The following SHANK2 variants were observed in gnomAD, a reference collection of about 807,000 sequenced individuals.
The protein encoded by SHANK2 is SH3 and multiple ankyrin repeat domains 2, also known as SH3 and multiple ankyrin repeat domains protein 2.
Under a neutral mutation model 133.7 loss-of-function variants are expected in SHANK2, and 43 were observed. The observed-to-expected ratio is 0.32, with a 90% CI of 0.25 to 0.41. SHANK2 has a LOEUF of 0.41. Ranked by LOEUF, SHANK2 falls within the 10% of genes least tolerant of loss-of-function variation. The pLI is 1.00. For missense variants in SHANK2, 1,994 were observed against 2,235.8 expected (o/e 0.89, Z 2.18); for synonymous variants, 1,017 against 952.8 (o/e 1.07, Z -1.24).
intron 9 of SHANK2, among the ~76,000 whole-genome samples, chr11:71,073,102 T>TGCAGTG (rs1326101942): frequency 6.6e-6 from 1 of 151,590 alleles, no homozygotes; most frequent in Non-Finnish European, 1.5e-5. Context: ...ATCTGTCCCA[T>TGCAGTG]GCAGTGGTGG....
At chr11:70,559,372 G>GCAGA (rs2059877400) in intron 17 of SHANK2, among the ~76,000 whole-genome samples, 1 of 152,158 alleles carries the variant, frequency 6.6e-6, no homozygotes, top group Admixed American at 6.5e-5. Flanking sequence ...AGAAACCAAT[G>GCAGA]CAGAGAGCGT....
chr11:71,192,792 A>G (rs11232477), intron 2 of SHANK2, among the ~76,000 whole-genome samples: 4,935 of 152,350 alleles, frequency 0.032, 250 homozygotes, highest in Admixed American at 0.15. Context: ...TTATCAAGCT[A>G]TCAGAGGCTA....
At chr11:70,856,587 T>C (rs1474950222) in intron 11 of SHANK2, among the ~76,000 whole-genome samples, 2 of 152,052 alleles carry the variant, frequency 1.3e-5, no homozygotes, top group East Asian at 3.9e-4. Context: ...TAGATAGATA[T>C]ATTAGTTGTA....
chr11:70,502,135 G>T, intron 19 of SHANK2, 71 bp downstream of exon 19: 1 of 1,479,834 alleles, frequency 6.8e-7, no homozygotes, highest in Non-Finnish European at 9.2e-7. Context: ...TGCACAGCCT[G>T]GTGCTTTGCA....
chr11:70,487,417 T>A lies in SHANK2; in HGVS notation c.2876A>T (p.Tyr959Phe), dbSNP rs782438264. The A allele has an allele frequency of 1.9e-6, 3 of 1,613,796 alleles. No individual in the cohort carries two copies. The highest frequency in any genetic ancestry group is 2.5e-6 in the Non-Finnish European group (3 of 1,179,952). ...GMYFRRELDR[Y>F]SLDSEDLYSR... ...GTAGAGGTCTTCAGAGTCCAAGGAG[T>A]AGCGGTCCAGCTCTCTCCTGAAGTA... Residue 959 changes from tyrosine to phenylalanine, a missense_variant, in exon 25 of 26, where the codon TAC becomes TTC. Tyr to Phe is a conservative substitution (Grantham distance 22). Coordinates refer to ENST00000601538, the MANE Select transcript of SHANK2 (RefSeq NM_012309.5). The surrounding 1 kb of genome is among the most constrained non-coding windows in gnomAD (Gnocchi z 5.8).
intron 9 of SHANK2, among the ~76,000 whole-genome samples, chr11:71,061,321 A>G (rs1950983545): frequency 6.6e-6 from 1 of 152,386 alleles, no homozygotes; most frequent in African/African-American, 2.4e-5. Context: ...CAATTTTAAT[A>G]AAGCAGTCCT....
At chr11:71,196,616 G>C (rs1453170579) in intron 2 of SHANK2, among the ~76,000 whole-genome samples, 10 of 152,068 alleles carry the variant, frequency 6.6e-5, no homozygotes, top group African/African-American at 2.2e-4. Flanking sequence ...AAAAGGGAGA[G>C]AGACTAGCAA....
chr11:70,774,217 C>A (rs782596650), intron 14 of SHANK2, among the ~76,000 whole-genome samples: 3 of 152,150 alleles, frequency 2.0e-5, no homozygotes, highest in Non-Finnish European at 4.4e-5. Context: ...AAGGACCCCA[C>A]ATGGATGATC....
At chr11:70,734,803 C>A (rs1591797487) in intron 14 of SHANK2, among the ~76,000 whole-genome samples, 2 of 152,204 alleles carry the variant, frequency 1.3e-5, no homozygotes, top group African/African-American at 4.8e-5. Context: ...GAGGGCCTAC[C>A]CAGCAACCAC....
intron 11 of SHANK2, among the ~76,000 whole-genome samples, chr11:70,831,783 C>T (rs1325861867): frequency 6.6e-6 from 1 of 152,250 alleles, no homozygotes; most frequent in African/African-American, 2.4e-5. Flanking sequence ...TCAGAAACAT[C>T]CTCGTTCAGT....
At chr11:70,887,198 T>A (rs1949761111) in intron 11 of SHANK2, among the ~76,000 whole-genome samples, 1 of 152,218 alleles carries the variant, frequency 6.6e-6, no homozygotes, top group Non-Finnish European at 1.5e-5. Flanking sequence ...GAAGCCATCG[T>A]CCAGGCTCTA....
At chr11:70,553,933 G>C (rs1429097290) in intron 17 of SHANK2, among the ~76,000 whole-genome samples, 1 of 152,224 alleles carries the variant, frequency 6.6e-6, no homozygotes, top group South Asian at 2.1e-4. Flanking sequence ...TGCGTGTGCC[G>C]CAGAAGAGGC....
intron 14 of SHANK2, among the ~76,000 whole-genome samples, chr11:70,707,498 A>G (rs1555025211): frequency 1.3e-5 from 2 of 151,856 alleles, no homozygotes; most frequent in Admixed American, 6.6e-5. Flanking sequence ...CCCTCTGTTC[A>G]TGAGACACAC....
chr11:70,497,319 A>G (rs1019356007), intron 21 of SHANK2, among the ~76,000 whole-genome samples: 1 of 152,148 alleles, frequency 6.6e-6, no homozygotes, highest in Non-Finnish European at 1.5e-5. Context: ...GCTCCTAAGG[A>G]TTATGCTTAA....
chr11:71,246,914 A>G (rs782659194), intron 1 of SHANK2, among the ~76,000 whole-genome samples: 10 of 152,226 alleles, frequency 6.6e-5, no homozygotes, highest in Non-Finnish European at 4.4e-5. Context: ...TAATATATTT[A>G]TAGTTTTTGA....
intron 6 of SHANK2, among the ~76,000 whole-genome samples, chr11:71,107,141 G>T (rs1168710852): frequency 2.0e-5 from 3 of 152,112 alleles, no homozygotes; most frequent in African/African-American, 7.2e-5. Context: ...GAGTGGAGGG[G>T]TAATGATTTC....
At chr11:71,119,750 C>T (rs1952049041) in intron 3 of SHANK2, among the ~76,000 whole-genome samples, 1 of 152,100 alleles carries the variant, frequency 6.6e-6, no homozygotes, top group Admixed American at 6.5e-5. Flanking sequence ...TCTGATTCAG[C>T]AGGTCTGGGT....
At chr11:70,483,893 T>C (rs539885458) in intron 25 of SHANK2, among the ~76,000 whole-genome samples, 1 of 152,376 alleles carries the variant, frequency 6.6e-6, no homozygotes, top group South Asian at 2.1e-4. Context: ...CCAAGTCATT[T>C]ATTTACATCC....
In SHANK2 at chr11:70,489,573, T is replaced by G. The variant is rs893778869; in HGVS notation, c.2552-225A>C. 2.1e-5 allele frequency: 12 copies of G among 585,366 alleles called. No homozygotes were observed. In the East Asian group the frequency reaches 3.5e-4, roughly 17 times the overall value. 36.3% of individuals were successfully genotyped at this position (585,366 alleles called of 1,614,324 possible). ...TCCAGAACACACAGGACAGTGCCCC[T>G]GGGGTGGGCTGGGCAGACCAGAGTC... is the stretch of plus-strand genomic sequence containing the variant. On this transcript the variant is annotated intron_variant, in intron 23 of 25. Transcript: ENST00000601538.
Sources: gnomAD v4.1 joint callset for allele counts (sites outside exome capture counted in the v4.1 genomes callset) on GRCh38, gnomAD v4.1.1 for gene constraint, Gnocchi (gnomAD v3.1) non-coding constraint, MANE v1.5 for transcripts, NCBI Gene and HGNC (gene_info 2026-07-23, HGNC 2026-07-21) for gene names.